SEZ6L: variants seen among roughly 807,000 people sequenced by gnomAD.
SEZ6L encodes seizure related 6 homolog like, also known as seizure 6-like protein.
In SEZ6L, 37 loss-of-function variants were observed where a neutral mutation model predicts 106.2. The ratio of observed to expected loss-of-function variants is 0.35; its 90% CI spans 0.27 to 0.46. The LOEUF is 0.46. Among genes scored for constraint, SEZ6L ranks in the 20% least tolerant of loss-of-function variants. The pLI is 1.00. For synonymous variants in SEZ6L, 541 were observed against 570.4 expected (o/e 0.95, Z 0.73); for missense variants, 1,172 against 1,332.8 (o/e 0.88, Z 1.88).
intron 11 of SEZ6L, among the ~76,000 whole-genome samples, chr22:26,348,587 A>AG (rs1569473383): frequency 1.1e-4 from 7 of 64,442 alleles, no homozygotes; most frequent in African/African-American, 6.7e-4. Flanking sequence ...AGAAAGAAAG[A>AG]GAAAGAAAGA....
chr22:26,327,821 G>T (rs891472591), intron 9 of SEZ6L, among the ~76,000 whole-genome samples: 2 of 152,186 alleles, frequency 1.3e-5, no homozygotes, highest in Non-Finnish European at 2.9e-5. Context: ...TAGATGTCCC[G>T]GAATGTAGAA....
chr22:26,348,646 A>AAGAAAGAAAGAAAAAG (rs1556371589), intron 11 of SEZ6L, among the ~76,000 whole-genome samples: 3 of 7,692 alleles, frequency 3.9e-4, no homozygotes, highest in African/African-American at 2.4e-3. Flanking sequence ...GAAAGAAAGA[A>AAGAAAGAAAGAAAAAG]AAAGAAAGAA....
At chr22:26,328,708 G>A (rs1341701533) in intron 9 of SEZ6L, among the ~76,000 whole-genome samples, 3 of 152,196 alleles carry the variant, frequency 2.0e-5, no homozygotes, top group Admixed American at 1.3e-4. Context: ...ACGGCAGGCC[G>A]AGAGCAGGAA....
intron 1 of SEZ6L, among the ~76,000 whole-genome samples, chr22:26,205,696 C>T (rs1022770206): frequency 1.3e-5 from 2 of 152,072 alleles, no homozygotes; most frequent in South Asian, 4.2e-4. Context: ...TTAGCAACTC[C>T]TCCAATCCAA....
At chr22:26,280,245 TATAA>T (rs1265445854) in intron 1 of SEZ6L, among the ~76,000 whole-genome samples, 12 of 146,822 alleles carry the variant, frequency 8.2e-5, no homozygotes, top group African/African-American at 3.1e-4. Context: ...TAAGTCTCCC[TATAA>T]ATACATACGT....
intron 9 of SEZ6L, among the ~76,000 whole-genome samples, chr22:26,333,642 A>T (rs754221346): frequency 6.6e-6 from 1 of 152,104 alleles, no homozygotes; most frequent in Non-Finnish European, 1.5e-5. Context: ...GGTGCTGAGC[A>T]CTAGGGATAC....
chr22:26,299,790 T>C (rs1347199372), intron 5 of SEZ6L, among the ~76,000 whole-genome samples: 1 of 152,258 alleles, frequency 6.6e-6, no homozygotes, highest in African/African-American at 2.4e-5. Context: ...TGAACATTTG[T>C]ATGCCAGTTT....
At chr22:26,363,428 T>C (rs1323990362) in intron 12 of SEZ6L, among the ~76,000 whole-genome samples, 2 of 152,228 alleles carry the variant, frequency 1.3e-5, no homozygotes, top group African/African-American at 2.4e-5. Context: ...AATTGCTCAA[T>C]AAACATTATC....
At chr22:26,169,847 A>ACT (rs1938453316) in intron 1 of SEZ6L, 84 bp downstream of exon 1, 1 of 609,464 alleles carries the variant, frequency 1.6e-6, no homozygotes, top group African/African-American at 1.9e-5. Context: ...GACCAGGGCG[A>ACT]CTCAGGCACC....
At chr22:26,320,028 T>C (rs1459519916) in intron 9 of SEZ6L, among the ~76,000 whole-genome samples, 1 of 152,216 alleles carries the variant, frequency 6.6e-6, no homozygotes. Flanking sequence ...GTTTATTACA[T>C]GACAGGGAAC....
intron 1 of SEZ6L, among the ~76,000 whole-genome samples, chr22:26,284,449 A>G (rs1480347494): frequency 6.6e-6 from 1 of 152,118 alleles, no homozygotes; most frequent in Non-Finnish European, 1.5e-5. Flanking sequence ...TCTACTAAAA[A>G]TATAAAAAAT....
chr22:26,197,474 T>C (rs954134895), intron 1 of SEZ6L, among the ~76,000 whole-genome samples: 8 of 152,160 alleles, frequency 5.3e-5, no homozygotes, highest in African/African-American at 1.9e-4. Flanking sequence ...ATTGTCATCC[T>C]TCCCAGGAGG....
intron 1 of SEZ6L, among the ~76,000 whole-genome samples, chr22:26,221,079 G>T (rs1473318547): frequency 6.6e-6 from 1 of 151,934 alleles, no homozygotes; most frequent in East Asian, 1.9e-4. Context: ...GAGAGAGGGA[G>T]AAATAGGCAA....
At chr22:26,324,008 G>A (rs1198801345) in intron 9 of SEZ6L, among the ~76,000 whole-genome samples, 4 of 150,768 alleles carry the variant, frequency 2.7e-5, no homozygotes, top group African/African-American at 9.8e-5. Flanking sequence ...ACACAATTAG[G>A]ATGTGGCCAA....
intron 9 of SEZ6L, among the ~76,000 whole-genome samples, chr22:26,318,409 C>CA (rs10630741): frequency 0.47 from 69,305 of 145,952 alleles, 16,130 homozygotes; most frequent in South Asian, 0.68. Flanking sequence ...TCCCCTCCTC[C>CA]AAAAAAAAAA....
chr22:26,172,029 T>C (rs1938653273), intron 1 of SEZ6L, among the ~76,000 whole-genome samples: 2 of 152,122 alleles, frequency 1.3e-5, no homozygotes, highest in Non-Finnish European at 2.9e-5. Context: ...CGTGGTTCTC[T>C]GGGCCATTTC....
chr22:26,305,922 C>CCT, intron 5 of SEZ6L, 57 bp from the exon 6 acceptor site: 1 of 1,451,942 alleles, frequency 6.9e-7, no homozygotes, highest in Non-Finnish European at 9.5e-7. Flanking sequence ...CTGTCTCTCT[C>CCT]CTCTCTCTCT....
chr22:26,181,601 G>T (rs77717041), intron 1 of SEZ6L, among the ~76,000 whole-genome samples: 2,368 of 152,222 alleles, frequency 0.016, 57 homozygotes, highest in African/African-American at 0.055. Flanking sequence ...TTGTTAATCC[G>T]ACTGTGTAAG....
intron 3 of SEZ6L, among the ~76,000 whole-genome samples, chr22:26,295,128 C>T (rs978363374): frequency 2.0e-5 from 3 of 152,152 alleles, no homozygotes; most frequent in African/African-American, 7.2e-5. Flanking sequence ...CAAGGAACTT[C>T]ACCTCTCTGA....
Sources: gnomAD v4.1 joint callset for allele counts (sites outside exome capture counted in the v4.1 genomes callset) on GRCh38, gnomAD v4.1.1 for gene constraint, MANE v1.5 for transcripts, NCBI Gene and HGNC (gene_info 2026-07-23, HGNC 2026-07-21) for gene names.